Variants in DDX60L observed in about 807,000 individuals in gnomAD.
DDX60L encodes DExD/H-box 60 like.
DDX60L carries 191 observed loss-of-function variants against 211.6 expected under a neutral mutation model. The observed-to-expected ratio is 0.90, with a 90% CI of 0.80 to 1.02. The LOEUF (loss-of-function observed/expected upper bound fraction) is 1.02, where lower values mean the gene tolerates loss of function less well. Ranked by LOEUF, DDX60L falls within the 50% of genes least tolerant of loss-of-function variation. The pLI is 0.00. For synonymous variants in DDX60L, 706 were observed against 694.1 expected, an observed-to-expected ratio of 1.02 and a Z score of -0.27; for missense variants, 2,007 against 1,984.1, an observed-to-expected ratio of 1.01 and a Z score of -0.22.
chr4:168,415,599 A>G, intron 21 of DDX60L, 58 bp downstream of exon 21: 7 of 1,433,170 alleles, frequency 4.9e-6, no homozygotes, highest in Non-Finnish European at 6.6e-6. Flanking sequence ...AATCCCTATA[A>G]AAAGCTTTGT....
chr4:168,477,460 A>G (rs1759736579), intron 1 of DDX60L, among the ~76,000 whole-genome samples: 1 of 152,140 alleles, frequency 6.6e-6, no homozygotes. Flanking sequence ...ATAATGGTAT[A>G]GTGCTATCGT....
intron 36 of DDX60L, among the ~76,000 whole-genome samples, chr4:168,367,955 A>G (rs1740280023): frequency 6.6e-6 from 1 of 152,252 alleles, no homozygotes. Context: ...GGGTACTGTT[A>G]AAGGCATTCA....
chr4:168,403,061 G>A (rs1747113660), intron 25 of DDX60L, among the ~76,000 whole-genome samples: 1 of 152,112 alleles, frequency 6.6e-6, no homozygotes, highest in Non-Finnish European at 1.5e-5. Context: ...AAAATTCAGA[G>A]CCACACTGGA....
At chr4:168,423,000 T>TGTG (rs375472116) in intron 15 of DDX60L, among the ~76,000 whole-genome samples, 1 of 108,196 alleles carries the variant, frequency 9.2e-6, no homozygotes, top group Non-Finnish European at 1.8e-5. Context: ...TGTGTGTGTG[T>TGTG]TGTAGAGACA....
chr4:168,419,507 G>A, intron 18 of DDX60L, 110 bp from the exon 19 acceptor site: 10 of 615,746 alleles, frequency 1.6e-5, no homozygotes, highest in Non-Finnish European at 2.6e-5. Flanking sequence ...GTTTCATTAA[G>A]ATAATATTGC....
intron 4 of DDX60L, among the ~76,000 whole-genome samples, chr4:168,466,960 T>C (rs1278009135): frequency 6.6e-6 from 1 of 152,150 alleles, no homozygotes; most frequent in Non-Finnish European, 1.5e-5. Context: ...TAACAAAACA[T>C]GTTAGAACAC....
intron 7 of DDX60L, among the ~76,000 whole-genome samples, chr4:168,454,812 G>C (rs1666861301): frequency 7.6e-6 from 1 of 130,768 alleles, no homozygotes; most frequent in Non-Finnish European, 1.6e-5. Context: ...TCATTTGTTG[G>C]GATGGAGAAG....
intron 7 of DDX60L, among the ~76,000 whole-genome samples, chr4:168,454,526 T>C (rs1174702377): frequency 6.6e-6 from 1 of 152,224 alleles, no homozygotes; most frequent in South Asian, 2.1e-4. Context: ...TGTTACCTAT[T>C]ATTAGCTAGT....
chr4:168,407,283 G>C (rs1340405568), intron 22 of DDX60L, among the ~76,000 whole-genome samples: 1 of 152,148 alleles, frequency 6.6e-6, no homozygotes, highest in Non-Finnish European at 1.5e-5. Flanking sequence ...TGGTTACCCT[G>C]GTTACTGATC....
chr4:168,400,195 C>T (rs960976980), intron 26 of DDX60L, among the ~76,000 whole-genome samples: 2 of 152,162 alleles, frequency 1.3e-5, no homozygotes, highest in African/African-American at 4.8e-5. Flanking sequence ...AGGACATAAT[C>T]TCATTCTTTT....
chr4:168,392,002 A>G (rs1454349107), intron 28 of DDX60L, among the ~76,000 whole-genome samples: 1 of 152,210 alleles, frequency 6.6e-6, no homozygotes, highest in Admixed American at 6.5e-5. Flanking sequence ...GGACATGGGC[A>G]TTGATCTCTC....
chr4:168,419,496 A>C lies in DDX60L; in HGVS notation c.2515-99T>G. On this transcript the variant is annotated intron_variant, in intron 18 of 37. Coordinates refer to ENST00000682922, the MANE Select transcript of DDX60L (RefSeq NM_001012967.3). ...TAGAAAATATGCTGCTGCTGATAGC[A>C]GTTTCATTAAGATAATATTGCATCT... 2.9e-6 allele frequency: 2 copies of C among 689,490 alleles called. 1 individual carries two copies. The highest frequency in any genetic ancestry group is 4.5e-6 in the Non-Finnish European group (2 of 441,740). 42.7% of individuals were successfully genotyped at this position (689,490 alleles called of 1,614,324 possible). A position where few individuals can be genotyped will look rare whatever the true frequency, so the allele number is the denominator to read the frequency against.
chr4:168,427,253 C>T lies in DDX60L; in HGVS notation c.1747G>A (p.Ala583Thr), dbSNP rs2319850. 69,185 of 1,613,700 alleles carry T rather than the reference C, an allele frequency of 0.043. 1,760 individuals are homozygous for T. The highest frequency in any genetic ancestry group is 0.067 in the South Asian group (6,130 of 91,068). ...KSFLKEDQNK[A>T]QQNDDLLFSI... is the part of the protein sequence containing the mutation. Reference sequence around the variant, plus strand: ...AACAGCAGATCATCGTTTTGCTGAGCTTTGTTCTGATCTTCTTTGAGAAAT... The same window carrying T: ...AACAGCAGATCATCGTTTTGCTGAGTTTTGTTCTGATCTTCTTTGAGAAAT... The change falls in exon 14 of 38, where the codon GCT (alanine) becomes ACT (threonine). Residue 583 changes from alanine to threonine, a missense_variant. Transcript: ENST00000682922.
chr4:168,379,568 TGTGA>T (rs1402680507), intron 31 of DDX60L, 64 bp from the exon 32 acceptor site: 10 of 1,290,534 alleles, frequency 7.7e-6, no homozygotes, highest in South Asian at 1.5e-5. Context: ...AAAATACCAG[TGTGA>T]GTGACTGACA....
At position 168,457,930 on chromosome 4, in the gene DDX60L, G is replaced by C. The variant is rs1371867893; in HGVS notation, c.685C>G (p.His229Asp). ...EEIRVLVLAT[H>D]FEHLKWNDMM... ...TCATTCCATTTCAAATGTTCAAAAT[G>C]AGTTGCTAATACTAAAACCCTTATT... Residue 229 changes from histidine (H) to aspartate (D), a missense_variant, in exon 6 of 38, where the codon CAT (histidine) becomes GAT (aspartate). Transcript: ENST00000682922. The C allele has an allele frequency of 6.4e-7, 1 of 1,565,292 alleles. No individual in the cohort carries two copies. The highest frequency in any genetic ancestry group is 8.7e-7 in the Non-Finnish European group (1 of 1,153,398).
chr4:168,400,328 T>C (rs1012820281), intron 26 of DDX60L, among the ~76,000 whole-genome samples: 2 of 152,212 alleles, frequency 1.3e-5, no homozygotes, highest in Non-Finnish European at 2.9e-5. Flanking sequence ...AGTGAACATA[T>C]GCATGCATGT....
chr4:168,394,730 G>A, intron 27 of DDX60L, 113 bp from the exon 28 acceptor site: 1 of 964,290 alleles, frequency 1.0e-6, no homozygotes, highest in Non-Finnish European at 1.5e-6. Context: ...TGCACACAGT[G>A]AGGCTGCCCT....
chr4:168,404,516 TAAAAAG>T (rs1397310443), intron 24 of DDX60L, among the ~76,000 whole-genome samples: 2 of 152,016 alleles, frequency 1.3e-5, no homozygotes, highest in Non-Finnish European at 2.9e-5. Flanking sequence ...TTCTTAAAAT[TAAAAAG>T]AAAAAGTTTT....
intron 28 of DDX60L, among the ~76,000 whole-genome samples, chr4:168,393,365 G>T (rs1745194384): frequency 6.6e-6 from 1 of 151,958 alleles, no homozygotes; most frequent in Non-Finnish European, 1.5e-5. Context: ...GTGTGGTGGT[G>T]CATGCCTGTA....
Sources: gnomAD v4.1 joint callset for allele counts (sites outside exome capture counted in the v4.1 genomes callset) on GRCh38, gnomAD v4.1.1 for gene constraint, MANE v1.5 for transcripts, NCBI Gene and HGNC (gene_info 2026-07-23, HGNC 2026-07-21) for gene names.